The following PTPRD variants were observed in gnomAD, a reference collection of about 807,000 sequenced individuals.
PTPRD encodes the protein protein tyrosine phosphatase receptor type D, also known as receptor-type tyrosine-protein phosphatase delta.
In PTPRD, 34 loss-of-function variants were observed where a neutral mutation model predicts 214.5. The ratio of observed to expected loss-of-function variants is 0.16; its 90% CI spans 0.12 to 0.21. The LOEUF is 0.21. PTPRD is among the 10% of genes least tolerant of loss of function. The pLI is 1.00. For missense variants in PTPRD, 2,545 were observed against 2,398.7 expected, an observed-to-expected ratio of 1.06 and a Z score of -1.27; for synonymous variants, 1,128 against 845.7, an observed-to-expected ratio of 1.33 and a Z score of -5.79.
intron 8 of PTPRD, among the ~76,000 whole-genome samples, chr9:9,498,148 G>T (rs1262711118): frequency 6.6e-6 from 1 of 152,100 alleles, no homozygotes; most frequent in African/African-American, 2.4e-5. Flanking sequence ...AGTAGTGCCT[G>T]CCTCTGTTCA....
chr9:9,976,147 G>C (rs1030927103), intron 4 of PTPRD, among the ~76,000 whole-genome samples: 12 of 152,054 alleles, frequency 7.9e-5, no homozygotes, highest in African/African-American at 2.4e-4. Flanking sequence ...ACATCCATTT[G>C]TAATTTATCT....
At chr9:8,568,993 G>A (rs2090287310) in intron 14 of PTPRD, among the ~76,000 whole-genome samples, 1 of 151,958 alleles carries the variant, frequency 6.6e-6, no homozygotes, top group Non-Finnish European at 1.5e-5. Context: ...CCAAGTTTAA[G>A]TTCAAAAACA....
At chr9:9,153,150 C>G (rs2099878323) in intron 10 of PTPRD, among the ~76,000 whole-genome samples, 1 of 152,194 alleles carries the variant, frequency 6.6e-6, no homozygotes, top group African/African-American at 2.4e-5. Context: ...GGGAATTAAA[C>G]CTGTAACTCA....
At chr9:9,339,259 C>T (rs957491916) in intron 9 of PTPRD, among the ~76,000 whole-genome samples, 7 of 151,372 alleles carry the variant, frequency 4.6e-5, no homozygotes, top group Non-Finnish European at 8.8e-5. Flanking sequence ...AGGTGGATCA[C>T]GAGGTCAGGA....
At position 10,245,364 on chromosome 9, in the gene PTPRD, T is replaced by A. The variant is rs192380642; in HGVS notation, c.-545+95599A>T. On this transcript the variant is annotated intron_variant, in intron 3 of 45. Transcript: ENST00000381196. ...TCTGATAATCAAAGTATTGAATAAT[T>A]AAGAGTATTTAATCACACCATTTTA... Among the ~76,000 whole-genome samples the A allele has an allele frequency of 2.2e-3, 340 of 152,278 alleles. 2 individuals carry two copies. Among genetic ancestry groups the A allele is most frequent in the Admixed American group, 6.8e-3 (104 of 15,282 alleles).
chr9:8,525,161 C>G lies in PTPRD; in HGVS notation c.569-126G>C, dbSNP rs772494173. 8 of 818,900 alleles carry G rather than the reference C, an allele frequency of 9.8e-6. No homozygotes were observed. In the East Asian group the frequency reaches 1.9e-4, roughly 20 times the overall value. 50.7% of individuals were successfully genotyped at this position (818,900 alleles called of 1,614,324 possible). ...AAGGTCCACTCAACGTCGATTCAAT[C>G]TCTTGCTAAGTTGCACAGACAGAAA... is the stretch of plus-strand genomic sequence containing the variant. On this transcript the variant is annotated intron_variant, in intron 17 of 45. Coordinates refer to ENST00000381196, the MANE Select transcript of PTPRD (RefSeq NM_002839.4).
At chr9:10,279,663 A>C (rs906767517) in intron 3 of PTPRD, among the ~76,000 whole-genome samples, 2 of 151,742 alleles carry the variant, frequency 1.3e-5, no homozygotes, top group Non-Finnish European at 2.9e-5. Context: ...CCTAGGTACT[A>C]TATGCTAGAC....
chr9:9,523,475 A>G (rs1006464182), intron 8 of PTPRD, among the ~76,000 whole-genome samples: 1 of 152,182 alleles, frequency 6.6e-6, no homozygotes, highest in Admixed American at 6.5e-5. Flanking sequence ...ATTGGATTAT[A>G]GTGTGTTTAA....
In PTPRD at chr9:10,515,716, T is replaced by A. The variant is rs537539846; in HGVS notation, c.-600+96682A>T. On this transcript the variant is annotated intron_variant, in intron 2 of 45. Transcript: ENST00000381196. ...CTTATTCATCTTGGCTAACTTAAAT[T>A]ATACACCTGCTGAATAGTAACTCCC... Among the ~76,000 whole-genome samples, 19 of 152,044 alleles carry A rather than the reference T, an allele frequency of 1.2e-4. 2 individuals carry two copies. The South Asian group carries it at 3.9e-3, about 31-fold the overall frequency.
At chr9:8,618,031 A>G (rs2095669296) in intron 14 of PTPRD, among the ~76,000 whole-genome samples, 1 of 152,148 alleles carries the variant, frequency 6.6e-6, no homozygotes. Flanking sequence ...TTAAATTGTC[A>G]GAGTAGTGAA....
At chr9:10,171,603 C>A (rs1365976771) in intron 3 of PTPRD, among the ~76,000 whole-genome samples, 1 of 152,186 alleles carries the variant, frequency 6.6e-6, no homozygotes, top group Non-Finnish European at 1.5e-5. Context: ...CGGCTCACTG[C>A]GAGCTCCGCC....
At chr9:9,321,310 C>G (rs1966362365) in intron 9 of PTPRD, among the ~76,000 whole-genome samples, 1 of 152,114 alleles carries the variant, frequency 6.6e-6, no homozygotes, top group African/African-American at 2.4e-5. Context: ...AATCCCAACA[C>G]TTTGGGAGGC....
At chr9:8,955,833 C>T (rs1160257698) in intron 11 of PTPRD, among the ~76,000 whole-genome samples, 9 of 151,754 alleles carry the variant, frequency 5.9e-5, no homozygotes, top group African/African-American at 1.7e-4. Flanking sequence ...TGTAACTGTC[C>T]TTTGCTAAAG....
At chr9:8,930,519 T>A (rs1338769196) in intron 11 of PTPRD, among the ~76,000 whole-genome samples, 1 of 152,100 alleles carries the variant, frequency 6.6e-6, no homozygotes, top group East Asian at 1.9e-4. Context: ...TAGTTCTAGA[T>A]CCCGGAGGAA....
chr9:10,544,742 T>C lies in PTPRD; in HGVS notation c.-600+67656A>G, dbSNP rs576734953. Among the ~76,000 whole-genome samples, 7 of 152,322 alleles carry C rather than the reference T, an allele frequency of 4.6e-5. No individual in the cohort carries two copies. In the South Asian group the frequency reaches 1.4e-3, roughly 32 times the overall value. ...GTAGGTTTTCTTCCTACTGAACAAA[T>C]GCAGCTTGAAAATAGGAATAGCCAA... On this transcript the variant is annotated intron_variant, in intron 2 of 45. Transcript: ENST00000381196.
intron 18 of PTPRD, among the ~76,000 whole-genome samples, chr9:8,524,081 A>T (rs1024408769): frequency 2.0e-5 from 3 of 151,688 alleles, no homozygotes; most frequent in East Asian, 1.9e-4. Context: ...TCCACTGGAT[A>T]AAAAAAACTA....
At chr9:8,506,225 G>A (rs1037122830) in intron 22 of PTPRD, among the ~76,000 whole-genome samples, 1 of 152,078 alleles carries the variant, frequency 6.6e-6, no homozygotes, top group Non-Finnish European at 1.5e-5. Flanking sequence ...TTAGAACACA[G>A]GGACTGTTTC....
chr9:9,887,058 T>G (rs2071219442), intron 5 of PTPRD, among the ~76,000 whole-genome samples: 1 of 152,052 alleles, frequency 6.6e-6, no homozygotes, highest in South Asian at 2.1e-4. Flanking sequence ...GGAAATTTGT[T>G]TTGCAACAAT....
At chr9:9,332,427 AT>A (rs990980062) in intron 9 of PTPRD, among the ~76,000 whole-genome samples, 14 of 152,194 alleles carry the variant, frequency 9.2e-5, no homozygotes, top group Admixed American at 4.6e-4. Flanking sequence ...AACTAAAAAA[AT>A]AACCACACAA....
Sources: gnomAD v4.1 joint callset for allele counts (sites outside exome capture counted in the v4.1 genomes callset) on GRCh38, gnomAD v4.1.1 for gene constraint, MANE v1.5 for transcripts, NCBI Gene and HGNC (gene_info 2026-07-23, HGNC 2026-07-21) for gene names.